The following GABRB3 variants were observed in gnomAD, a reference collection of about 807,000 sequenced individuals.
GABRB3 encodes gamma-aminobutyric acid type A receptor subunit beta3.
Under a neutral mutation model 52.1 loss-of-function variants are expected in GABRB3, and 14 were observed. The observed-to-expected ratio is 0.27, with a 90% confidence interval of 0.18 to 0.42. GABRB3 has a LOEUF of 0.42. Among genes scored for constraint, GABRB3 ranks in the 10% least tolerant of loss-of-function variants. The probability of loss-of-function intolerance (pLI) is 1.00; values close to 1 mark genes in which losing one functional copy is unlikely to be tolerated. For missense variants in GABRB3, 307 were observed against 609.1 expected (o/e 0.50, Z 5.22); for synonymous variants, 260 against 232.3 (o/e 1.12, Z -1.08).
chr15:26,684,981 T>C (rs1174083832), intron 3 of GABRB3, among the ~76,000 whole-genome samples: 1 of 152,202 alleles, frequency 6.6e-6, no homozygotes, highest in African/African-American at 2.4e-5. Context: ...CGACGCAGGG[T>C]TGCCACAAAC....
intron 4 of GABRB3, among the ~76,000 whole-genome samples, chr15:26,590,865 T>A (rs1566762524): frequency 6.6e-6 from 1 of 152,206 alleles, no homozygotes; most frequent in Non-Finnish European, 1.5e-5. Flanking sequence ...GCCTCCTGAA[T>A]GTGCGCCAAC....
intron 3 of GABRB3, among the ~76,000 whole-genome samples, chr15:26,651,425 T>A (rs761342037): frequency 6.6e-5 from 10 of 152,226 alleles, no homozygotes; most frequent in Non-Finnish European, 1.2e-4. Context: ...TACTTGCTGA[T>A]AAAAACCAGA....
chr15:26,544,845 A>C lies in GABRB3; in HGVS notation c.*2948T>G, dbSNP rs961416765. 1 of 152,622 alleles carries C rather than the reference A, an allele frequency of 6.6e-6. No homozygotes were observed. The highest frequency in any genetic ancestry group is 1.9e-4 in the East Asian group (1 of 5,188). 9.5% of individuals were successfully genotyped at this position (152,622 alleles called of 1,614,324 possible). On this transcript the variant is annotated 3_prime_UTR_variant, in exon 9 of 9. Coordinates refer to ENST00000311550, the MANE Select transcript of GABRB3 (RefSeq NM_000814.6). ...AAGAAATCTCATTATATCCCCAATGATAACGTTTCTGTCCTTACTCAAGAG... is the reference window on the plus strand; with the variant it reads ...AAGAAATCTCATTATATCCCCAATGCTAACGTTTCTGTCCTTACTCAAGAG...
Position 26,547,839 on chromosome 15 carries a change from G to A in GABRB3, c.1376C>T (p.Thr459Ile). ...DRWSRIVFPF[T>I]FSLFNLVYWL... Reference sequence around the variant, plus strand: ...GTAAACTAAGTTGAAAAGAGAAAAAGTGAATGGAAACACGATCCTGGACCA... The same window carrying A: ...GTAAACTAAGTTGAAAAGAGAAAAAATGAATGGAAACACGATCCTGGACCA... The change falls in exon 9 of 9, where the codon ACT becomes ATT. Residue 459 changes from threonine (T) to isoleucine (I), a missense_variant. Transcript: ENST00000311550. 1 of 1,614,064 alleles carries A rather than the reference G, an allele frequency of 6.2e-7. No individual in the cohort carries two copies. The highest frequency in any genetic ancestry group is 2.2e-5 in the East Asian group (1 of 44,878).
chr15:26,758,425 G>A (rs1002203217), intron 3 of GABRB3, among the ~76,000 whole-genome samples: 2 of 152,188 alleles, frequency 1.3e-5, no homozygotes, highest in Admixed American at 6.5e-5. Flanking sequence ...TAGAAACTCA[G>A]AGATGCGATA....
chr15:26,714,572 G>C (rs185657858), intron 3 of GABRB3, among the ~76,000 whole-genome samples: 3 of 152,302 alleles, frequency 2.0e-5, no homozygotes, highest in Non-Finnish European at 4.4e-5. Context: ...AGGTAGATAA[G>C]AGACAAATGG....
At position 26,741,588 on chromosome 15, in the gene GABRB3, G is replaced by A. The variant is rs146043753; in HGVS notation, c.240+30814C>T. On this transcript the variant is annotated intron_variant, in intron 3 of 8. Coordinates refer to ENST00000311550, the MANE Select transcript of GABRB3 (RefSeq NM_000814.6). ...CAAATATTTATGACTGCAGCATCAT[G>A]TGAGTATATACACCTCATTTTCGTT... Among the ~76,000 whole-genome samples, 13 of 152,226 alleles carry A rather than the reference G, an allele frequency of 8.5e-5. No homozygotes were observed. The East Asian group carries it at 2.1e-3, about 25-fold the overall frequency.
intron 4 of GABRB3, among the ~76,000 whole-genome samples, chr15:26,607,570 TA>T (rs551498934): frequency 2.6e-4 from 37 of 144,050 alleles, no homozygotes; most frequent in East Asian, 5.9e-4. Context: ...AGACCCTGTC[TA>T]AAAAAAAACT....
At chr15:26,679,529 A>G (rs1273846946) in intron 3 of GABRB3, among the ~76,000 whole-genome samples, 3 of 152,148 alleles carry the variant, frequency 2.0e-5, no homozygotes, top group African/African-American at 7.2e-5. Context: ...CCTACTTTCA[A>G]GGTCAGGTTG....
chr15:26,773,384 C>CG (rs1230734539), upstream of GABRB3, among the ~76,000 whole-genome samples: 5 of 150,764 alleles, frequency 3.3e-5, no homozygotes, highest in East Asian at 2.0e-4. Flanking sequence ...TCGGGAGGGG[C>CG]GGGGGGTCGT....
At chr15:26,584,794 A>G (rs915721894) in intron 4 of GABRB3, among the ~76,000 whole-genome samples, 3 of 152,220 alleles carry the variant, frequency 2.0e-5, no homozygotes, top group African/African-American at 7.2e-5. Flanking sequence ...ACATATCTCT[A>G]GAACCCCACC....
At chr15:26,670,665 G>T (rs1412935050) in intron 3 of GABRB3, among the ~76,000 whole-genome samples, 1 of 152,180 alleles carries the variant, frequency 6.6e-6, no homozygotes, top group Non-Finnish European at 1.5e-5. Flanking sequence ...GATTTGGGAG[G>T]ATGATACTAC....
At chr15:26,622,540 C>T (rs985138048) in intron 3 of GABRB3, among the ~76,000 whole-genome samples, 4 of 152,214 alleles carry the variant, frequency 2.6e-5, no homozygotes, top group African/African-American at 9.6e-5. Context: ...TGCCATTCTG[C>T]AAAAGCAGCT....
intron 3 of GABRB3, among the ~76,000 whole-genome samples, chr15:26,644,313 G>C (rs531706432): frequency 6.6e-6 from 1 of 152,298 alleles, no homozygotes; most frequent in South Asian, 2.1e-4. Flanking sequence ...GACCTTATTT[G>C]GAGATGAAGT....
chr15:26,696,592 C>T (rs1888747369), intron 3 of GABRB3, among the ~76,000 whole-genome samples: 1 of 152,142 alleles, frequency 6.6e-6, no homozygotes, highest in South Asian at 2.1e-4. Flanking sequence ...AACCTGTATA[C>T]ACTCTTAGCT....
chr15:26,738,544 G>A (rs890374757), intron 3 of GABRB3, among the ~76,000 whole-genome samples: 3 of 152,136 alleles, frequency 2.0e-5, no homozygotes, highest in Admixed American at 2.0e-4. Flanking sequence ...ACATTGGCAG[G>A]GAAAGCTAAG....
At chr15:26,699,580 A>C (rs1320495019) in intron 3 of GABRB3, among the ~76,000 whole-genome samples, 1 of 152,148 alleles carries the variant, frequency 6.6e-6, no homozygotes, top group Non-Finnish European at 1.5e-5. Context: ...ATACTCAAAA[A>C]GTTAACTAGA....
intron 3 of GABRB3, among the ~76,000 whole-genome samples, chr15:26,622,783 T>C (rs974506221): frequency 2.0e-5 from 3 of 152,166 alleles, no homozygotes; most frequent in African/African-American, 7.2e-5. Flanking sequence ...ATAGAGGACA[T>C]CGATTTGTCT....
chr15:26,735,811 G>A (rs1406324861), intron 3 of GABRB3, among the ~76,000 whole-genome samples: 1 of 152,022 alleles, frequency 6.6e-6, no homozygotes, highest in Non-Finnish European at 1.5e-5. Context: ...AAAAATTAGT[G>A]GGGGATGGTG....
Sources: allele counts gnomAD v4.1 joint callset (sites outside exome capture counted in the v4.1 genomes callset), GRCh38; gene constraint gnomAD v4.1.1; transcripts MANE v1.5; gene names NCBI Gene and HGNC (gene_info 2026-07-23, HGNC 2026-07-21).